The following KIF13B variants were observed in gnomAD, a reference collection of about 807,000 sequenced individuals.
KIF13B encodes the protein kinesin-like protein KIF13B.
Under a neutral mutation model 222.0 loss-of-function variants are expected in KIF13B, and 127 were observed. That is an observed-to-expected ratio of 0.57 (90% confidence interval 0.50 to 0.66). The LOEUF is 0.66. Among genes scored for constraint, KIF13B ranks in the 30% least tolerant of loss-of-function variants. KIF13B has a pLI of 0.00. For synonymous variants in KIF13B, 976 were observed against 919.0 expected (o/e 1.06, Z -1.12); for missense variants, 2,173 against 2,379.0 (o/e 0.91, Z 1.80).
At chr8:29,188,851 C>A (rs533122421) in intron 4 of KIF13B, among the ~76,000 whole-genome samples, 1 of 152,214 alleles carries the variant, frequency 6.6e-6, no homozygotes, top group African/African-American at 2.4e-5. Flanking sequence ...GAATCCCCTG[C>A]AATGCAGAGC....
At chr8:29,100,971 T>C (rs1194968985) in intron 35 of KIF13B, among the ~76,000 whole-genome samples, 3 of 152,176 alleles carry the variant, frequency 2.0e-5, no homozygotes, top group Non-Finnish European at 4.4e-5. Flanking sequence ...AGGAACTCTC[T>C]CAGCACTTGG....
intron 6 of KIF13B, among the ~76,000 whole-genome samples, chr8:29,184,122 T>C (rs1451587163): frequency 1.3e-5 from 2 of 152,150 alleles, no homozygotes; most frequent in African/African-American, 4.8e-5. Context: ...ATTGACTTTT[T>C]TCCTTTCATA....
At chr8:29,114,213 C>T (rs529815714) in intron 31 of KIF13B, among the ~76,000 whole-genome samples, 1 of 152,252 alleles carries the variant, frequency 6.6e-6, no homozygotes, top group South Asian at 2.1e-4. Flanking sequence ...GGGGAGAGCA[C>T]ATGAAATGGG....
intron 6 of KIF13B, among the ~76,000 whole-genome samples, chr8:29,184,060 T>C (rs1812827779): frequency 6.6e-6 from 1 of 152,164 alleles, no homozygotes; most frequent in Admixed American, 6.5e-5. Flanking sequence ...TGTAACTGGA[T>C]AAAGTAGATA....
chr8:29,070,306 G>T lies in KIF13B; in HGVS notation c.*198C>A. Reference sequence around the variant, plus strand: ...ATCCACCTGAGGAGGCACAGTTGAGGCCCCCACTTTACCCGGGTACAGAAG... The same window carrying T: ...ATCCACCTGAGGAGGCACAGTTGAGTCCCCCACTTTACCCGGGTACAGAAG... On this transcript the variant is annotated 3_prime_UTR_variant, in exon 40 of 40. Coordinates refer to ENST00000524189, the MANE Select transcript of KIF13B (RefSeq NM_015254.4). The surrounding 1 kb of genome is among the most constrained non-coding windows in gnomAD (Gnocchi z 4.1). 1 of 619,596 alleles carries T rather than the reference G, an allele frequency of 1.6e-6. No homozygotes were observed. Among genetic ancestry groups the T allele is most frequent in the Non-Finnish European group, 2.8e-6 (1 of 360,286 alleles). 38.4% of individuals were successfully genotyped at this position (619,596 alleles called of 1,614,324 possible).
At chr8:29,093,708 A>T (rs1312969300) in intron 36 of KIF13B, among the ~76,000 whole-genome samples, 1 of 152,230 alleles carries the variant, frequency 6.6e-6, no homozygotes, top group Admixed American at 6.5e-5. Context: ...TACAGCTGTA[A>T]GGTTTCTACA....
chr8:29,118,273 TC>T (rs1483308707), intron 30 of KIF13B, among the ~76,000 whole-genome samples: 1 of 151,054 alleles, frequency 6.6e-6, no homozygotes, highest in Non-Finnish European at 1.5e-5. Flanking sequence ...GGCGATCACT[TC>T]CGGTCAGGAG....
chr8:29,187,525 C>T (rs143261774), intron 5 of KIF13B, among the ~76,000 whole-genome samples: 2 of 152,110 alleles, frequency 1.3e-5, no homozygotes, highest in East Asian at 1.9e-4. Flanking sequence ...AGCAAGACTC[C>T]GTCTCAAAAT....
intron 6 of KIF13B, 101 bp from the exon 7 acceptor site, chr8:29,182,107 C>T (rs150005446): frequency 4.9e-6 from 4 of 808,780 alleles, no homozygotes; most frequent in Non-Finnish European, 7.7e-6. Context: ...CAAGAAAGAC[C>T]CCAAATAAGT....
At position 29,225,289 on chromosome 8, in the gene KIF13B, C is replaced by T. The variant is rs531505311; in HGVS notation, c.149+20057G>A. Among the ~76,000 whole-genome samples the T allele has an allele frequency of 6.6e-5, 10 of 152,304 alleles. No homozygotes were observed. The South Asian group carries it at 1.5e-3, about 22-fold the overall frequency. ...GTTATGAGCATTTTATGCATATTAA[C>T]GCATTTAGTCCTCATAACAACCCTA... On this transcript the variant is annotated intron_variant, in intron 2 of 39. Transcript: ENST00000524189.
At chr8:29,083,011 C>T (rs1807881146) in intron 37 of KIF13B, among the ~76,000 whole-genome samples, 1 of 152,056 alleles carries the variant, frequency 6.6e-6, no homozygotes, top group Admixed American at 6.5e-5. Flanking sequence ...CACCTGTAGT[C>T]TCAGCTACTT....
At chr8:29,224,716 C>G (rs1814940951) in intron 2 of KIF13B, among the ~76,000 whole-genome samples, 1 of 150,996 alleles carries the variant, frequency 6.6e-6, no homozygotes, top group Admixed American at 6.6e-5. Flanking sequence ...GAGCATGCAT[C>G]CTTGATTAGA....
At chr8:29,141,163 G>T (rs750458934) in intron 19 of KIF13B, among the ~76,000 whole-genome samples, 2 of 152,034 alleles carry the variant, frequency 1.3e-5, no homozygotes, top group Non-Finnish European at 2.9e-5. Context: ...GTGAAATCCC[G>T]TCTCTAATAA....
At chr8:29,143,145 C>T (rs1810895299) in intron 18 of KIF13B, among the ~76,000 whole-genome samples, 1 of 152,148 alleles carries the variant, frequency 6.6e-6, no homozygotes, top group South Asian at 2.1e-4. Flanking sequence ...TGAGCCACCA[C>T]ATTTAAATTT....
intron 2 of KIF13B, among the ~76,000 whole-genome samples, chr8:29,219,879 A>C (rs949753651): frequency 6.6e-6 from 1 of 152,216 alleles, no homozygotes; most frequent in Non-Finnish European, 1.5e-5. Flanking sequence ...CCTGGGGAAC[A>C]TGGTGAAACC....
chr8:29,206,322 G>A (rs1309037444), intron 2 of KIF13B, among the ~76,000 whole-genome samples: 1 of 152,154 alleles, frequency 6.6e-6, no homozygotes, highest in East Asian at 1.9e-4. Flanking sequence ...GTATGCTGAC[G>A]CATGCTTGAT....
Position 29,095,140 on chromosome 8 carries a change from A to C in KIF13B, c.4325-2262T>G, listed in dbSNP as rs570108436. On this transcript the variant is annotated intron_variant, in intron 36 of 39. Transcript: ENST00000524189. ...ATTGCTGAAAAACATCAATTTACGG[A>C]TCCAATAACTTGATAAGCAAGTTAA... Among the ~76,000 whole-genome samples, 11 of 152,312 alleles carry C rather than the reference A, an allele frequency of 7.2e-5. No individual in the cohort carries two copies. In the East Asian group the frequency reaches 1.9e-3, roughly 27 times the overall value.
At chr8:29,113,717 T>C (rs1261070019) in intron 31 of KIF13B, among the ~76,000 whole-genome samples, 162 bp from the exon 32 acceptor site, 2 of 152,210 alleles carry the variant, frequency 1.3e-5, no homozygotes, top group Non-Finnish European at 2.9e-5. Flanking sequence ...TCTTCATCGT[T>C]GTCCTATGGT....
intron 2 of KIF13B, among the ~76,000 whole-genome samples, chr8:29,243,847 T>C (rs1269014743): frequency 6.6e-6 from 1 of 152,196 alleles, no homozygotes; most frequent in African/African-American, 2.4e-5. Context: ...AACCTGCCCA[T>C]GTACAGAACA....
Sources: gnomAD v4.1 joint callset for allele counts (sites outside exome capture counted in the v4.1 genomes callset) on GRCh38, gnomAD v4.1.1 for gene constraint, Gnocchi (gnomAD v3.1) non-coding constraint, MANE v1.5 for transcripts, NCBI Gene and HGNC (gene_info 2026-07-23, HGNC 2026-07-21) for gene names.